SRGAP2: variants seen among roughly 807,000 people sequenced by gnomAD.
SRGAP2 encodes SLIT-ROBO Rho GTPase-activating protein 2.
SRGAP2 carries 15 observed loss-of-function variants against 57.2 expected under a neutral mutation model. That is an observed-to-expected ratio of 0.26 (90% CI 0.18 to 0.40). The LOEUF is 0.40. Among genes scored for constraint, SRGAP2 ranks in the 10% least tolerant of loss-of-function variants. The pLI, the probability that SRGAP2 is intolerant of heterozygous loss-of-function variation, is 1.00. For missense variants in SRGAP2, 520 were observed against 669.6 expected (o/e 0.78, Z 2.47); for synonymous variants, 249 against 248.0 (o/e 1.00, Z -0.04).
chr1:206,424,114 C>A (rs1660588269), intron 13 of SRGAP2, among the ~76,000 whole-genome samples: 1 of 152,030 alleles, frequency 6.6e-6, no homozygotes, highest in East Asian at 1.9e-4. Context: ...TTTTCTCCTG[C>A]AAATTACTGG....
At chr1:206,417,917 A>G (rs1421207223) in intron 11 of SRGAP2, among the ~76,000 whole-genome samples, 1 of 151,854 alleles carries the variant, frequency 6.6e-6, no homozygotes, top group Non-Finnish European at 1.5e-5. Context: ...AGCATAGTCC[A>G]TAAGTAAGAC....
At chr1:206,436,823 G>A (rs1661801098) in intron 14 of SRGAP2, 142 bp from the exon 15 acceptor site, 3 of 658,672 alleles carry the variant, frequency 4.6e-6, no homozygotes, top group Admixed American at 4.7e-5. Context: ...CCTTGCACAT[G>A]TTTTTCTCCT....
intron 4 of SRGAP2, among the ~76,000 whole-genome samples, chr1:206,360,629 G>T (rs1427133413): frequency 1.3e-5 from 2 of 152,220 alleles, no homozygotes; most frequent in African/African-American, 4.8e-5. Context: ...AATAGGATTT[G>T]CTGCTTGATT....
intron 12 of SRGAP2, among the ~76,000 whole-genome samples, chr1:206,420,003 C>G (rs1319942275): frequency 2.6e-5 from 4 of 152,064 alleles, no homozygotes; most frequent in African/African-American, 9.7e-5. Context: ...AATATTTTCC[C>G]TCTCAGTCAT....
intron 2 of SRGAP2, among the ~76,000 whole-genome samples, chr1:206,225,667 C>G (rs1169758199): frequency 1.3e-5 from 2 of 152,020 alleles, no homozygotes; most frequent in Non-Finnish European, 2.9e-5. Context: ...ATAGATGACA[C>G]CCCTTTTACG....
In SRGAP2 at chr1:206,418,259, A is replaced by C. The variant is rs952800645; in HGVS notation, c.1442-1114A>C. Among the ~76,000 whole-genome samples the C allele has an allele frequency of 7.9e-5, 12 of 152,244 alleles. 1 individual carries two copies. Among genetic ancestry groups the C allele is most frequent in the African/African-American group, 2.9e-4 (12 of 41,460 alleles). ...AGAATGGAAATGGAACAGATGTAGAAAATAATGGCTCAGAATAATATTTTT... is the reference window on the plus strand; with the variant it reads ...AGAATGGAAATGGAACAGATGTAGACAATAATGGCTCAGAATAATATTTTT... On this transcript the variant is annotated intron_variant, in intron 11 of 22. Transcript: ENST00000573034.
At position 206,430,347 on chromosome 1, in the gene SRGAP2, T is replaced by C. The variant is rs1661186809; in HGVS notation, c.1555+125T>C. 15 of 681,420 alleles carry C rather than the reference T, an allele frequency of 2.2e-5. No homozygotes were observed. In the Admixed American group the frequency reaches 3.0e-4, roughly 14 times the overall value. 42.2% of individuals were successfully genotyped at this position (681,420 alleles called of 1,614,324 possible). On this transcript the variant is annotated intron_variant, in intron 14 of 22. Transcript: ENST00000573034. ...GCATTCTCAGAAAAGGAATAAATTC[T>C]TACTTGTCCACATAACTTTTGCTAC...
chr1:206,253,685 C>T (rs1319419240), intron 2 of SRGAP2, among the ~76,000 whole-genome samples: 1 of 148,906 alleles, frequency 6.7e-6, no homozygotes, highest in Non-Finnish European at 1.5e-5. Context: ...ACGCCATTCT[C>T]CATTCTCCAG....
chr1:206,282,014 A>G (rs1670769183), intron 2 of SRGAP2, among the ~76,000 whole-genome samples: 2 of 141,028 alleles, frequency 1.4e-5, no homozygotes, highest in African/African-American at 5.4e-5. Context: ...TTTTTGAGAC[A>G]TGTAAAATCA....
At chr1:206,302,652 G>A (rs1424859872) in intron 2 of SRGAP2, among the ~76,000 whole-genome samples, 3 of 152,194 alleles carry the variant, frequency 2.0e-5, no homozygotes, top group Non-Finnish European at 4.4e-5. Context: ...AGAAGTTCTT[G>A]TGCTTGTTTT....
intron 14 of SRGAP2, among the ~76,000 whole-genome samples, chr1:206,431,589 A>G (rs1180400219): frequency 6.6e-6 from 1 of 152,268 alleles, no homozygotes; most frequent in Non-Finnish European, 1.5e-5. Flanking sequence ...CATTTCATTC[A>G]TTGAACGAAT....
Position 206,461,369 on chromosome 1 carries a change from T to G in SRGAP2, c.3165T>G (p.Gly1055=), listed in dbSNP as rs782646627. 42 of 780,610 alleles carry G rather than the reference T, an allele frequency of 5.4e-5. 1 individual carries two copies. The Admixed American group carries it at 7.1e-4, about 13-fold the overall frequency. The allele number at this position is 780,610 out of a possible 1,614,324, so 48.4% of individuals were successfully genotyped here. A position where few individuals can be genotyped will look rare whatever the true frequency, so the allele number is the denominator to read the frequency against. The part of the protein sequence containing the change: ...VFPKTNATSP[G]VNSSTSPQST... ...CCAAAACAAATGCCACTAGCCCTGGTGTCAACTCATCAACTTCCCCACAGT... is the reference window on the plus strand; with the variant it reads ...CCAAAACAAATGCCACTAGCCCTGGGGTCAACTCATCAACTTCCCCACAGT... The change falls in exon 23 of 23, where the codon GGT becomes GGG. Residue 1055 remains glycine, a synonymous_variant. Coordinates refer to ENST00000573034, the MANE Select transcript of SRGAP2 (RefSeq NM_015326.5).
chr1:206,442,990 A>G (rs1662447734), intron 17 of SRGAP2, among the ~76,000 whole-genome samples: 1 of 152,206 alleles, frequency 6.6e-6, no homozygotes, highest in South Asian at 2.1e-4. Context: ...AAAAAAGCTA[A>G]TATCTCAGTT....
chr1:206,267,412 C>T, intron 2 of SRGAP2, among the ~76,000 whole-genome samples: 1 of 151,024 alleles, frequency 6.6e-6, no homozygotes, highest in East Asian at 2.0e-4. Flanking sequence ...GACTAGCCCT[C>T]ATAGAGACTG....
chr1:206,341,922 C>T (rs143587398), intron 3 of SRGAP2, among the ~76,000 whole-genome samples: 31 of 152,034 alleles, frequency 2.0e-4, no homozygotes, highest in South Asian at 1.5e-3. Context: ...CTCTTGAACG[C>T]GGGAGGCGGA....
intron 14 of SRGAP2, among the ~76,000 whole-genome samples, chr1:206,433,608 C>T (rs1053843245): frequency 6.6e-6 from 1 of 151,186 alleles, no homozygotes; most frequent in African/African-American, 2.4e-5. Context: ...TGCACTCCAG[C>T]CTGAGTGATA....
At chr1:206,257,992 A>G (rs1669302008) in intron 2 of SRGAP2, among the ~76,000 whole-genome samples, 1 of 151,884 alleles carries the variant, frequency 6.6e-6, no homozygotes, top group African/African-American at 2.4e-5. Flanking sequence ...TAAGATGTGA[A>G]CAGGCTTGGC....
At chr1:206,337,773 T>TATACCAATAG (rs1674884377) in intron 3 of SRGAP2, among the ~76,000 whole-genome samples, 2 of 116,482 alleles carry the variant, frequency 1.7e-5, no homozygotes, top group African/African-American at 6.7e-5. Flanking sequence ...AGGAGTGAGA[T>TATACCAATAG]GTATACCAAT....
intron 18 of SRGAP2, 141 bp from the exon 19 acceptor site, chr1:206,450,245 C>T (rs1299353533): frequency 6.8e-6 from 4 of 590,394 alleles, no homozygotes; most frequent in African/African-American, 5.6e-5. Context: ...TCATTATAAG[C>T]ATTTGTCTAT....
Sources: gnomAD v4.1 joint callset for allele counts (sites outside exome capture counted in the v4.1 genomes callset) on GRCh38, gnomAD v4.1.1 for gene constraint, MANE v1.5 for transcripts, NCBI Gene and HGNC (gene_info 2026-07-23, HGNC 2026-07-21) for gene names.